Variants in PHF21A observed in about 807,000 individuals in gnomAD.
PHF21A encodes the protein PHD finger protein 21A.
In PHF21A, 11 loss-of-function variants were observed where a neutral mutation model predicts 82.5. That is an observed-to-expected ratio of 0.13 (90% CI 0.08 to 0.22). The LOEUF (loss-of-function observed/expected upper bound fraction) is 0.22, where lower values mean the gene tolerates loss of function less well. Ranked by LOEUF, PHF21A falls within the 10% of genes least tolerant of loss-of-function variation. PHF21A has a pLI of 1.00. For synonymous variants in PHF21A, 297 were observed against 302.8 expected, an observed-to-expected ratio of 0.98 and a Z score of 0.20; for missense variants, 579 against 837.8, an observed-to-expected ratio of 0.69 and a Z score of 3.81.
chr11:46,021,216 T>C (rs115762768), intron 6 of PHF21A, among the ~76,000 whole-genome samples: 1 of 152,090 alleles, frequency 6.6e-6, no homozygotes, highest in African/African-American at 2.4e-5. Context: ...CAAGCCGCTA[T>C]GCCTGGCTAA....
chr11:46,046,880 G>T (rs1565716993), intron 6 of PHF21A, among the ~76,000 whole-genome samples: 1 of 152,130 alleles, frequency 6.6e-6, no homozygotes, highest in African/African-American at 2.4e-5. Context: ...AGTTGGCACT[G>T]CTCCCCATGA....
Position 46,118,167 on chromosome 11 carries a change from C to CAT in PHF21A, c.-237+2766_-237+2767dup, listed in dbSNP as rs1566091217. On this transcript the variant is annotated intron_variant, in intron 1 of 18. Coordinates refer to ENST00000676320, the MANE Select transcript of PHF21A (RefSeq NM_001352027.3). ...AAAGCTAAAAGAAATAGGCCCCATC[C>CAT]ATCACTTATACCTTCTAAAAATACA... 3 of 152,124 alleles carry CAT rather than the reference C, an allele frequency of 2.0e-5. 1 individual carries two copies. The highest frequency in any genetic ancestry group is 2.0e-4 in the Admixed American group (3 of 15,284). 9.4% of individuals were successfully genotyped at this position (152,124 alleles called of 1,614,324 possible). A position where few individuals can be genotyped will look rare whatever the true frequency, so the allele number is the denominator to read the frequency against.
At chr11:46,005,381 T>G (rs1372017015) in intron 6 of PHF21A, among the ~76,000 whole-genome samples, 1 of 152,198 alleles carries the variant, frequency 6.6e-6, no homozygotes, top group Non-Finnish European at 1.5e-5. Context: ...CTGTAGAATA[T>G]TTGCACAATA....
chr11:45,960,319 A>G (rs1454568752), intron 10 of PHF21A, among the ~76,000 whole-genome samples: 3 of 152,256 alleles, frequency 2.0e-5, no homozygotes. Flanking sequence ...ATGAATGAAT[A>G]AACACATTGT....
chr11:46,031,028 A>T (rs1047113233), intron 6 of PHF21A, among the ~76,000 whole-genome samples: 3 of 152,214 alleles, frequency 2.0e-5, no homozygotes, highest in African/African-American at 4.8e-5. Context: ...AGCCTACACC[A>T]GTGAGTGAAC....
intron 3 of PHF21A, among the ~76,000 whole-genome samples, chr11:46,086,374 C>G (rs1196040568): frequency 6.6e-6 from 1 of 152,168 alleles, no homozygotes; most frequent in East Asian, 1.9e-4. Context: ...CCGTCCTGGC[C>G]TCCCAAAGTG....
intron 6 of PHF21A, chr11:46,049,390 A>G (rs1392508007): frequency 4.4e-6 from 2 of 454,556 alleles, no homozygotes; most frequent in Non-Finnish European, 4.4e-6. Flanking sequence ...AACCCGGCCC[A>G]AATACATACG....
intron 14 of PHF21A, among the ~76,000 whole-genome samples, chr11:45,947,631 G>T (rs957121685): frequency 6.6e-6 from 1 of 152,112 alleles, no homozygotes; most frequent in Non-Finnish European, 1.5e-5. Context: ...TCTGACCTTA[G>T]CAAGAGATGC....
intron 18 of PHF21A, chr11:45,935,181 C>T (rs1179081693): frequency 6.2e-6 from 8 of 1,289,964 alleles, no homozygotes; most frequent in Non-Finnish European, 8.1e-6. Context: ...CCGGGAAATG[C>T]AATCAGCATG....
At chr11:45,977,410 T>G (rs563316218) in intron 7 of PHF21A, among the ~76,000 whole-genome samples, 15 of 152,328 alleles carry the variant, frequency 9.8e-5, no homozygotes, top group African/African-American at 3.6e-4. Context: ...GTGTTGGGAT[T>G]ACAGGCGTGT....
intron 6 of PHF21A, among the ~76,000 whole-genome samples, chr11:46,043,247 A>G (rs182062674): frequency 2.9e-4 from 44 of 152,314 alleles, no homozygotes; most frequent in African/African-American, 9.9e-4. Context: ...CAATGATCCT[A>G]TTCTATCCAA....
intron 4 of PHF21A, among the ~76,000 whole-genome samples, chr11:46,081,914 T>C (rs1213178623): frequency 6.6e-6 from 1 of 152,250 alleles, no homozygotes; most frequent in East Asian, 1.9e-4. Context: ...AGAAATATTT[T>C]ACTGTGTGTC....
chr11:46,105,159 A>G (rs940672786), intron 1 of PHF21A, among the ~76,000 whole-genome samples: 30 of 152,346 alleles, frequency 2.0e-4, no homozygotes, highest in African/African-American at 7.2e-4. Flanking sequence ...GTCAGAGCTA[A>G]TACGTGGCAA....
At position 46,037,587 on chromosome 11, in the gene PHF21A, G is replaced by A. The variant is rs543431164; in HGVS notation, c.153+39167C>T. Among the ~76,000 whole-genome samples, 4 of 148,742 alleles carry A rather than the reference G, an allele frequency of 2.7e-5. No individual in the cohort carries two copies. In the South Asian group the frequency reaches 6.3e-4, roughly 24 times the overall value. On this transcript the variant is annotated intron_variant, in intron 6 of 18. Transcript: ENST00000676320. ...ATCCGGGAGCCGCCTCTGTTGCGGT[G>A]AGCCGAGATCGTGCCAGCGCACTCC...
At chr11:46,039,971 T>C (rs1320186714) in intron 6 of PHF21A, among the ~76,000 whole-genome samples, 1 of 152,218 alleles carries the variant, frequency 6.6e-6, no homozygotes, top group Non-Finnish European at 1.5e-5. Flanking sequence ...TCTTATTTGA[T>C]ACAAACAGCA....
intron 15 of PHF21A, among the ~76,000 whole-genome samples, chr11:45,942,514 T>C (rs961335276): frequency 2.6e-5 from 4 of 152,204 alleles, no homozygotes; most frequent in African/African-American, 9.7e-5. Flanking sequence ...AAACAAGATT[T>C]CTGAGAGAGA....
At chr11:45,969,999 A>G in intron 8 of PHF21A, 95 bp from the exon 9 acceptor site, 1 of 845,860 alleles carries the variant, frequency 1.2e-6, no homozygotes, top group South Asian at 1.5e-5. Flanking sequence ...GGATCAGACA[A>G]TATTTTCTAC....
chr11:46,024,135 T>C (rs1338577563), intron 6 of PHF21A, among the ~76,000 whole-genome samples: 1 of 152,232 alleles, frequency 6.6e-6, no homozygotes, highest in Non-Finnish European at 1.5e-5. Flanking sequence ...TTAATGATTT[T>C]ATATGTTGGG....
chr11:46,082,186 A>C (rs757957802), intron 4 of PHF21A, among the ~76,000 whole-genome samples: 2 of 152,222 alleles, frequency 1.3e-5, no homozygotes, highest in African/African-American at 2.4e-5. Context: ...AAGAACAAAA[A>C]TATGTTTTCA....
Sources: allele counts gnomAD v4.1 joint callset (sites outside exome capture counted in the v4.1 genomes callset), GRCh38; gene constraint gnomAD v4.1.1; transcripts MANE v1.5; gene names NCBI Gene and HGNC (gene_info 2026-07-23, HGNC 2026-07-21).